Variants in UBXN4 observed in about 807,000 individuals in gnomAD.
UBXN4 encodes the protein UBX domain-containing protein 4.
UBXN4 carries 35 observed loss-of-function variants against 66.2 expected under a neutral mutation model. The ratio of observed to expected loss-of-function variants is 0.53; its 90% CI spans 0.40 to 0.70. UBXN4 has a LOEUF of 0.70. UBXN4 is among the 30% of genes least tolerant of loss of function. The pLI is 0.00. For synonymous variants in UBXN4, 203 were observed against 204.5 expected, an observed-to-expected ratio of 0.99 and a Z score of 0.06; for missense variants, 533 against 599.8, an observed-to-expected ratio of 0.89 and a Z score of 1.16.
chr2:135,761,786 G>T (rs1161504982), intron 5 of UBXN4, 32 bp from the exon 6 acceptor site: 1 of 1,526,746 alleles, frequency 6.5e-7, no homozygotes, highest in Admixed American at 2.0e-5. Context: ...ATTAAATGCA[G>T]TATTCTTATT....
chr2:135,747,566 G>C (rs2077216394), intron 1 of UBXN4: 1 of 455,778 alleles, frequency 2.2e-6, no homozygotes. Context: ...TAATTTTGGA[G>C]TATAAATGCT....
In UBXN4 at chr2:135,755,514, T is replaced by C. The variant is rs760160036; in HGVS notation, c.334-3T>C. 21 of 1,572,242 alleles carry C rather than the reference T, an allele frequency of 1.3e-5. No homozygotes were observed. Among genetic ancestry groups the C allele is most frequent in the Non-Finnish European group, 1.2e-5 (14 of 1,157,864 alleles). ...ATTAAAATCCAATTTATTTTCTGCC[T>C]AGATGCATTTGCTAAAAAGTGAAAC... is the stretch of plus-strand genomic sequence containing the variant. On this transcript the variant is annotated splice_polypyrimidine_tract_variant and splice_region_variant and intron_variant, in intron 4 of 12. Transcript: ENST00000272638.
chr2:135,767,333 C>G (rs1440079585), intron 6 of UBXN4, among the ~76,000 whole-genome samples: 1 of 152,024 alleles, frequency 6.6e-6, no homozygotes, highest in African/African-American at 2.4e-5. Context: ...TGCACTCCAG[C>G]CTGGGCGACA....
intron 9 of UBXN4, among the ~76,000 whole-genome samples, chr2:135,776,048 C>T (rs868183836): frequency 1.3e-5 from 2 of 152,150 alleles, no homozygotes; most frequent in Admixed American, 1.3e-4. Context: ...GGATTACAGG[C>T]GTGAGCCACC....
intron 2 of UBXN4, among the ~76,000 whole-genome samples, chr2:135,753,006 C>G (rs1267997722): frequency 7.1e-6 from 1 of 140,966 alleles, no homozygotes; most frequent in African/African-American, 2.7e-5. Context: ...CTGTGAGCTA[C>G]CACGCCCGGC....
At chr2:135,774,597 C>G (rs1190069260) in intron 9 of UBXN4, among the ~76,000 whole-genome samples, 1 of 152,160 alleles carries the variant, frequency 6.6e-6, no homozygotes, top group African/African-American at 2.4e-5. Context: ...ATAATCCCAG[C>G]ACTTTGGAAG....
chr2:135,758,261 A>T (rs1176633914), intron 5 of UBXN4, among the ~76,000 whole-genome samples: 1 of 151,716 alleles, frequency 6.6e-6, no homozygotes, highest in Non-Finnish European at 1.5e-5. Context: ...TTTAGTAGGG[A>T]CGGGGTTTCT....
intron 6 of UBXN4, among the ~76,000 whole-genome samples, chr2:135,767,437 C>T (rs1426278461): frequency 6.6e-6 from 1 of 152,164 alleles, no homozygotes; most frequent in Non-Finnish European, 1.5e-5. Flanking sequence ...TTATGGATTC[C>T]CTCCATAAGA....
chr2:135,755,810 A>C, intron 5 of UBXN4, 119 bp downstream of exon 5: 1 of 667,882 alleles, frequency 1.5e-6, no homozygotes, highest in Non-Finnish European at 2.0e-6. Flanking sequence ...ATTTAACTTA[A>C]AATTTAAGAG....
intron 9 of UBXN4, among the ~76,000 whole-genome samples, chr2:135,774,457 G>C (rs1301697297): frequency 1.3e-5 from 2 of 152,126 alleles, no homozygotes; most frequent in African/African-American, 4.8e-5. Flanking sequence ...TGGATTGTTA[G>C]ACATGGCACT....
In UBXN4 at chr2:135,780,162, GGTTT is replaced by G; in HGVS notation, c.1186-16_1186-13del. On this transcript the variant is annotated splice_polypyrimidine_tract_variant and intron_variant, in intron 11 of 12. Transcript: ENST00000272638. ...ATTGTGCTAACGTAGTCTTTATCTA[GGTTT>G]GTTTATTAATTTCTAGGCAGGAAGA... 1 of 1,612,522 alleles carries G rather than the reference GGTTT, an allele frequency of 6.2e-7. No homozygotes were observed. Among genetic ancestry groups the G allele is most frequent in the Non-Finnish European group, 8.5e-7 (1 of 1,178,718 alleles).
intron 9 of UBXN4, among the ~76,000 whole-genome samples, chr2:135,774,824 G>A (rs62170082): frequency 0.014 from 2,032 of 149,704 alleles, 28 homozygotes; most frequent in South Asian, 0.031. Context: ...CAGCCTGGGC[G>A]ACAGAGTGGG....
chr2:135,766,801 G>A (rs1366418345), intron 6 of UBXN4, among the ~76,000 whole-genome samples: 3 of 152,178 alleles, frequency 2.0e-5, no homozygotes, highest in Non-Finnish European at 1.5e-5. Flanking sequence ...TGTCTATGGG[G>A]TGATTCAAAT....
intron 9 of UBXN4, among the ~76,000 whole-genome samples, chr2:135,773,721 C>T (rs941770983): frequency 1.3e-5 from 2 of 152,188 alleles, no homozygotes; most frequent in Non-Finnish European, 2.9e-5. Context: ...ATTGTCTTCT[C>T]TGTGCCTTTT....
intron 12 of UBXN4, among the ~76,000 whole-genome samples, chr2:135,782,165 G>A (rs1559545130): frequency 6.6e-6 from 1 of 152,164 alleles, no homozygotes; most frequent in Non-Finnish European, 1.5e-5. Flanking sequence ...TCAAAGAGAG[G>A]GTGAAGCTTT....
rs1051292635 is a variant in UBXN4 at position 135,743,435 on chromosome 2, C to T, written c.82+1424C>T. ...GTTTTTGACATTTTAAATTGTTTTTCTCCTAATATCTCAGTTGATCCTTGC... is the reference window on the plus strand; with the variant it reads ...GTTTTTGACATTTTAAATTGTTTTTTTCCTAATATCTCAGTTGATCCTTGC... On this transcript the variant is annotated intron_variant, in intron 1 of 12. Transcript: ENST00000272638. 2.0e-5 allele frequency among the ~76,000 whole-genome samples: 3 copies of T among 152,134 alleles called. 1 individual carries two copies. The South Asian group carries it at 6.2e-4, about 31-fold the overall frequency.
At position 135,768,603 on chromosome 2, in the gene UBXN4, G is replaced by A. The variant is rs28874389; in HGVS notation, c.603-1166G>A. On this transcript the variant is annotated intron_variant, in intron 6 of 12. Coordinates refer to ENST00000272638, the MANE Select transcript of UBXN4 (RefSeq NM_014607.4). ...TTTCCTGAGGCGGAGTCTCACTCTCGCCCAGGCTGGAGTACGGTGACATGA... is the reference window on the plus strand; with the variant it reads ...TTTCCTGAGGCGGAGTCTCACTCTCACCCAGGCTGGAGTACGGTGACATGA... Among the ~76,000 whole-genome samples the A allele has an allele frequency of 0.011, 1,581 of 144,956 alleles. 100 individuals are homozygous for A. In the East Asian group the frequency reaches 0.2, roughly 18 times the overall value.
chr2:135,777,159 A>G (rs2077420556), intron 10 of UBXN4, among the ~76,000 whole-genome samples: 1 of 152,256 alleles, frequency 6.6e-6, no homozygotes. Flanking sequence ...CTTACTCAGA[A>G]TCTGAATGGA....
At chr2:135,748,526 T>TA (rs1177210059) in intron 2 of UBXN4, among the ~76,000 whole-genome samples, 157 bp downstream of exon 2, 2 of 151,886 alleles carry the variant, frequency 1.3e-5, no homozygotes, top group Non-Finnish European at 2.9e-5. Flanking sequence ...GCCCAGGAGT[T>TA]AGAGGCTAGC....
Sources: gnomAD v4.1 joint callset for allele counts (sites outside exome capture counted in the v4.1 genomes callset) on GRCh38, gnomAD v4.1.1 for gene constraint, MANE v1.5 for transcripts, NCBI Gene and HGNC (gene_info 2026-07-23, HGNC 2026-07-21) for gene names.